The following RBM47 variants were observed in gnomAD, a reference collection of about 807,000 sequenced individuals.
RBM47 encodes the protein RNA-binding protein 47.
Under a neutral mutation model 47.1 loss-of-function variants are expected in RBM47, and 21 were observed. That is an observed-to-expected ratio of 0.45 (90% CI 0.32 to 0.64). The LOEUF (loss-of-function observed/expected upper bound fraction) is 0.64, where lower values mean the gene tolerates loss of function less well. Among genes scored for constraint, RBM47 ranks in the 30% least tolerant of loss-of-function variants. The pLI is 0.05. For missense variants in RBM47, 708 were observed against 870.9 expected (o/e 0.81, Z 2.35); for synonymous variants, 375 against 361.7 (o/e 1.04, Z -0.42).
intron 3 of RBM47, among the ~76,000 whole-genome samples, chr4:40,449,461 T>A (rs911221486): frequency 6.6e-6 from 1 of 152,216 alleles, no homozygotes; most frequent in African/African-American, 2.4e-5. Flanking sequence ...ATTCAATGAA[T>A]GCTTGTGTAT....
chr4:40,455,262 G>A (rs930427202), intron 3 of RBM47, among the ~76,000 whole-genome samples: 28 of 152,130 alleles, frequency 1.8e-4, no homozygotes, highest in Non-Finnish European at 3.5e-4. Context: ...TCACGTAATC[G>A]CAATGTTCAA....
chr4:40,437,238 C>T (rs1712792623), intron 4 of RBM47, among the ~76,000 whole-genome samples: 1 of 144,658 alleles, frequency 6.9e-6, no homozygotes, highest in Admixed American at 7.1e-5. Context: ...TTTGCTGGTC[C>T]ACCTTCCTCA....
rs762185282 is a variant in RBM47 at position 40,432,702 on chromosome 4, TGCGGCCGCGGCTGCGGCGGCA to T, written c.1470_1490del (p.Ala496_Ala502del). 18 of 1,589,678 alleles carry T rather than the reference TGCGGCCGCGGCTGCGGCGGCA, an allele frequency of 1.1e-5. No homozygotes were observed. The East Asian group carries it at 1.1e-4, about 10-fold the overall frequency. ...TGGGAATGACAGCGGCTGCGGCGGC[TGCGGCCGCGGCTGCGGCGGCA>T]GCAGCACTGGCTGGGTCTGGCTGCA... On this transcript the variant is annotated inframe_deletion, in exon 6 of 7. Coordinates refer to ENST00000295971, the MANE Select transcript of RBM47 (RefSeq NM_001098634.2).
intron 1 of RBM47, among the ~76,000 whole-genome samples, chr4:40,606,906 C>T (rs1427304154): frequency 6.6e-6 from 1 of 152,158 alleles, no homozygotes; most frequent in Non-Finnish European, 1.5e-5. Context: ...TCACTTGAGA[C>T]CAGGAGATCG....
chr4:40,426,228 C>T (rs1560342119), intron 6 of RBM47, 85 bp from the exon 7 acceptor site: 11 of 1,506,186 alleles, frequency 7.3e-6, no homozygotes, highest in Admixed American at 6.1e-5. Flanking sequence ...TCCCAGAAGA[C>T]GGGAATACAA....
chr4:40,441,780 A>C (rs1465328589), intron 3 of RBM47, among the ~76,000 whole-genome samples: 1 of 152,244 alleles, frequency 6.6e-6, no homozygotes, highest in African/African-American at 2.4e-5. Flanking sequence ...CAATAATATA[A>C]GAAAAAATCC....
chr4:40,466,481 C>T (rs1043728171), intron 3 of RBM47, 96 bp downstream of exon 3: 1 of 152,060 alleles, frequency 6.6e-6, no homozygotes, highest in Non-Finnish European at 1.5e-5. Flanking sequence ...ACAACAGGTA[C>T]ACATTGTCTA....
chr4:40,578,730 T>C (rs1486220726), intron 1 of RBM47, among the ~76,000 whole-genome samples: 1 of 152,232 alleles, frequency 6.6e-6, no homozygotes, highest in Non-Finnish European at 1.5e-5. Flanking sequence ...GTTCCTCATC[T>C]GTAAATGGTG....
At chr4:40,615,343 C>T (rs34917460) in intron 1 of RBM47, among the ~76,000 whole-genome samples, 2,605 of 151,702 alleles carry the variant, frequency 0.017, 92 homozygotes, top group African/African-American at 0.06. Context: ...CTTGGGAAGC[C>T]GAGGTGAGAG....
At chr4:40,511,581 T>C (rs1407734538) in intron 2 of RBM47, among the ~76,000 whole-genome samples, 2 of 152,218 alleles carry the variant, frequency 1.3e-5, no homozygotes, top group East Asian at 3.8e-4. Context: ...GTCAATAAAC[T>C]ATCATGAAAC....
chr4:40,617,378 G>C (rs1355720279), intron 1 of RBM47, among the ~76,000 whole-genome samples: 1 of 151,808 alleles, frequency 6.6e-6, no homozygotes, highest in Non-Finnish European at 1.5e-5. Context: ...CCAACATGGT[G>C]AAACCCCATC....
At chr4:40,497,050 A>AAC (rs1003180124) in intron 2 of RBM47, among the ~76,000 whole-genome samples, 1 of 151,164 alleles carries the variant, frequency 6.6e-6, no homozygotes, top group Non-Finnish European at 1.5e-5. Context: ...TCAAAAAAAA[A>AAC]AAAAAAAGAA....
chr4:40,582,470 G>A (rs1210372631), intron 1 of RBM47, among the ~76,000 whole-genome samples: 1 of 152,144 alleles, frequency 6.6e-6, no homozygotes, highest in Non-Finnish European at 1.5e-5. Flanking sequence ...GGAGGTGGAG[G>A]GTGCAGTGAG....
chr4:40,565,643 A>G, intron 1 of RBM47, among the ~76,000 whole-genome samples: 1 of 152,154 alleles, frequency 6.6e-6, no homozygotes, highest in Admixed American at 6.6e-5. Flanking sequence ...ATGGATAACT[A>G]CTACTTATAT....
chr4:40,438,884 C>A lies in RBM47; in HGVS notation c.10G>T (p.Glu4Ter). 1 of 1,551,502 alleles carries A rather than the reference C, an allele frequency of 6.4e-7. No homozygotes were observed. Among genetic ancestry groups the A allele is most frequent in the East Asian group, 2.3e-5 (1 of 43,462 alleles). ...CTGCTCATGGCTGCGGTGGAATCCT[C>A]TGCGGTCATAATGTCAAAGGCATCC... MTA[E>*]DSTAAMSSDS... is the part of the protein sequence containing the mutation. Residue 4 changes from glutamate to a stop codon, truncating the protein, a stop_gained, in exon 4 of 7, where the codon GAG (glutamate) becomes TAG (stop). Transcript: ENST00000295971. LOFTEE classifies it high-confidence loss of function.
Position 40,616,648 on chromosome 4 carries a change from G to A in RBM47, c.-240+12748C>T, listed in dbSNP as rs1327973562. On this transcript the variant is annotated intron_variant, in intron 1 of 6. Transcript: ENST00000295971. ...AGCCTTTCATTATGTGGTTTAAAAT[G>A]TGCCTGTATCAGCTTTCTAATTTCC... 2.0e-5 allele frequency among the ~76,000 whole-genome samples: 3 copies of A among 152,064 alleles called. No individual in the cohort carries two copies. In the East Asian group the frequency reaches 5.8e-4, roughly 29 times the overall value.
intron 6 of RBM47, among the ~76,000 whole-genome samples, chr4:40,431,513 C>T (rs1716010172): frequency 1.3e-5 from 2 of 152,078 alleles, no homozygotes; most frequent in African/African-American, 2.4e-5. Flanking sequence ...AAAAAATTAG[C>T]CGGGCATGGT....
At chr4:40,535,371 C>CTTTTTTTTTTTTTTTTTCTTTTTTTT (rs1553897873) in intron 2 of RBM47, among the ~76,000 whole-genome samples, 1 of 103,460 alleles carries the variant, frequency 9.7e-6, no homozygotes, top group African/African-American at 4.3e-5. Flanking sequence ...TATGGTATTT[C>CTTTTTTTTTTTTTTTTTCTTTTTTTT]TTTTTTTTTT....
In RBM47 at chr4:40,424,549, A is replaced by G. The variant is rs576510369; in HGVS notation, c.*1355T>C. The G allele has an allele frequency of 6.6e-6, 1 of 152,454 alleles. No homozygotes were observed. Among genetic ancestry groups the G allele is most frequent in the East Asian group, 1.9e-4 (1 of 5,192 alleles). 9.4% of individuals were successfully genotyped at this position (152,454 alleles called of 1,614,324 possible). A position where few individuals can be genotyped will look rare whatever the true frequency, so the allele number is the denominator to read the frequency against. On this transcript the variant is annotated 3_prime_UTR_variant, in exon 7 of 7. Coordinates refer to ENST00000295971, the MANE Select transcript of RBM47 (RefSeq NM_001098634.2). ...TCTCCAACATAAAAGGACTAAAAAC[A>G]AGCATTAGAAGATATTTACAAACTA...
Sources: gnomAD v4.1 joint callset for allele counts (sites outside exome capture counted in the v4.1 genomes callset) on GRCh38, gnomAD v4.1.1 for gene constraint, MANE v1.5 for transcripts, NCBI Gene and HGNC (gene_info 2026-07-23, HGNC 2026-07-21) for gene names.